Variants in MS4A4A observed in about 807,000 individuals in gnomAD.
MS4A4A encodes the protein membrane spanning 4-domains A4A, also known as membrane-spanning 4-domains subfamily A member 4A.
MS4A4A carries 26 observed loss-of-function variants against 28.0 expected under a neutral mutation model. That is an observed-to-expected ratio of 0.93 (90% CI 0.68 to 1.29). The LOEUF is 1.29. MS4A4A is among the 50% of genes most tolerant of loss of function. The pLI, the probability that MS4A4A is intolerant of heterozygous loss-of-function variation, is 0.00. For missense variants in MS4A4A, 290 were observed against 293.1 expected, an observed-to-expected ratio of 0.99 and a Z score of 0.08; for synonymous variants, 86 against 100.8, an observed-to-expected ratio of 0.85 and a Z score of 0.88.
rs540782252 is a variant in MS4A4A at position 60,284,386 on chromosome 11, C to T, written c.41+3670C>T. 6.6e-5 allele frequency among the ~76,000 whole-genome samples: 10 copies of T among 152,294 alleles called. No individual in the cohort carries two copies. The South Asian group carries it at 1.9e-3, about 28-fold the overall frequency. ...CATAAACTTCCTTTAACACTTCCTG[C>T]CACTCAAGGACATGCTAGACAGGGA... On this transcript the variant is annotated intron_variant, in intron 1 of 6. Coordinates refer to ENST00000337908, the MANE Select transcript of MS4A4A (RefSeq NM_148975.3).
rs957993689 is a variant in MS4A4A, at chr11:60,302,828, G to A, written c.546+111G>A. ...CCTAATTGATGAATGACTTTGGGAAGTTGGAGTGATTGAGAAATAGAATAA... is the reference window on the plus strand; with the variant it reads ...CCTAATTGATGAATGACTTTGGGAAATTGGAGTGATTGAGAAATAGAATAA... On this transcript the variant is annotated intron_variant, in intron 5 of 6. Transcript: ENST00000337908. The A allele has an allele frequency of 5.8e-6, 6 of 1,031,262 alleles. No homozygotes were observed. In the African/African-American group the frequency reaches 9.6e-5, roughly 17 times the overall value. 63.9% of individuals were successfully genotyped at this position (1,031,262 alleles called of 1,614,324 possible). A position where few individuals can be genotyped will look rare whatever the true frequency, so the allele number is the denominator to read the frequency against.
In MS4A4A at chr11:60,305,401, G is replaced by T. The variant is rs368726427; in HGVS notation, c.547-699G>T. On this transcript the variant is annotated intron_variant, in intron 5 of 6. Coordinates refer to ENST00000337908, the MANE Select transcript of MS4A4A (RefSeq NM_148975.3). ...GGCAAGGCCATACTCCTTTCTGAAG[G>T]CTTAGGCAACAAAAAGTTTTATTGC... Among the ~76,000 whole-genome samples, 12 of 152,340 alleles carry T rather than the reference G, an allele frequency of 7.9e-5. No homozygotes were observed. In the South Asian group the frequency reaches 2.5e-3, roughly 32 times the overall value.
chr11:60,282,465 G>A (rs2084762915), intron 1 of MS4A4A: 1 of 751,266 alleles, frequency 1.3e-6, no homozygotes, highest in East Asian at 6.9e-5. Flanking sequence ...GTCATAGGCT[G>A]ACTAATCCAC....
intron 1 of MS4A4A, among the ~76,000 whole-genome samples, chr11:60,281,840 A>G (rs1211451087): frequency 1.3e-5 from 2 of 152,180 alleles, no homozygotes; most frequent in East Asian, 1.9e-4. Context: ...AGCCTGATGC[A>G]TATAGGTGAT....
chr11:60,282,662 T>A (rs1221087277), intron 1 of MS4A4A: 4 of 1,284,818 alleles, frequency 3.1e-6, no homozygotes, highest in South Asian at 2.5e-5. Context: ...AATATAGGAA[T>A]GAAATTACGT....
At chr11:60,294,892 A>ACTACTACTTCTT (rs60374079) in intron 2 of MS4A4A, among the ~76,000 whole-genome samples, 3,035 of 130,652 alleles carry the variant, frequency 0.023, 59 homozygotes, top group African/African-American at 0.026. Flanking sequence ...TACAACTACT[A>ACTACTACTTCTT]CTTCTTCTTC....
chr11:60,286,432 T>C (rs1199567641), intron 1 of MS4A4A, among the ~76,000 whole-genome samples: 3 of 152,196 alleles, frequency 2.0e-5, no homozygotes, highest in East Asian at 1.9e-4. Context: ...TATTCAGAGA[T>C]TGCAGTAAAG....
chr11:60,292,567 T>C lies in MS4A4A; in HGVS notation c.201+183T>C, dbSNP rs146638496. ...GTATTCTGTCACAACATGCTTCCAG[T>C]TGAGTTATATTTAAAATATATTGAG... On this transcript the variant is annotated intron_variant, in intron 2 of 6. Coordinates refer to ENST00000337908, the MANE Select transcript of MS4A4A (RefSeq NM_148975.3). Among the ~76,000 whole-genome samples the C allele has an allele frequency of 2.6e-4, 40 of 152,344 alleles. No individual in the cohort carries two copies. The East Asian group carries it at 7.7e-3, about 29-fold the overall frequency.
At chr11:60,289,561 C>T (rs1050225478) in intron 1 of MS4A4A, among the ~76,000 whole-genome samples, 1 of 147,208 alleles carries the variant, frequency 6.8e-6, no homozygotes, top group African/African-American at 2.5e-5. Flanking sequence ...TTTGTTTATT[C>T]ATTGTTTTGG....
At chr11:60,296,018 G>T (rs1025826933) in intron 2 of MS4A4A, among the ~76,000 whole-genome samples, 1 of 152,052 alleles carries the variant, frequency 6.6e-6, no homozygotes, top group African/African-American at 2.4e-5. Flanking sequence ...TAGTTAAGGA[G>T]TATGTCCTCT....
At chr11:60,280,753 T>C in intron 1 of MS4A4A, 37 bp downstream of exon 1, 1 of 1,611,488 alleles carries the variant, frequency 6.2e-7, no homozygotes, top group Non-Finnish European at 8.5e-7. Context: ...GCTTTCGGGC[T>C]GATGGCTTGT....
At position 60,297,351 on chromosome 11, in the gene MS4A4A, T is replaced by C. The variant is rs188744605; in HGVS notation, c.330+26T>C. ...GTGAGTAGAGTATCTTTTGATATAA[T>C]TGAAGATAACATAAAGCAGTTGTCA... is the stretch of plus-strand genomic sequence containing the variant. On this transcript the variant is annotated intron_variant, in intron 3 of 6. Coordinates refer to ENST00000337908, the MANE Select transcript of MS4A4A (RefSeq NM_148975.3). The C allele has an allele frequency of 2.5e-6, 4 of 1,610,544 alleles. No homozygotes were observed. The Admixed American group carries it at 5.0e-5, about 20-fold the overall frequency.
At chr11:60,300,753 C>G (rs916114978) in intron 3 of MS4A4A, among the ~76,000 whole-genome samples, 1 of 151,660 alleles carries the variant, frequency 6.6e-6, no homozygotes, top group Non-Finnish European at 1.5e-5. Flanking sequence ...CTTTTAGTGC[C>G]CTCAAACAGT....
intron 2 of MS4A4A, among the ~76,000 whole-genome samples, chr11:60,295,927 A>G (rs1335792461): frequency 6.6e-6 from 1 of 152,130 alleles, no homozygotes; most frequent in Non-Finnish European, 1.5e-5. Flanking sequence ...TTTGTTCATC[A>G]GAGATGTTGG....
chr11:60,287,641 C>A (rs1447415060), intron 1 of MS4A4A, among the ~76,000 whole-genome samples: 1 of 152,152 alleles, frequency 6.6e-6, no homozygotes, highest in African/African-American at 2.4e-5. Flanking sequence ...TTACCCATTC[C>A]AGCATTGACT....
At chr11:60,298,056 T>G (rs999332202) in intron 3 of MS4A4A, among the ~76,000 whole-genome samples, 9 of 150,508 alleles carry the variant, frequency 6.0e-5, no homozygotes, top group Non-Finnish European at 1.0e-4. Flanking sequence ...ATTAAATTAA[T>G]TATAACTATT....
At chr11:60,286,923 G>C (rs2084808033) in intron 1 of MS4A4A, among the ~76,000 whole-genome samples, 1 of 152,096 alleles carries the variant, frequency 6.6e-6, no homozygotes, top group African/African-American at 2.4e-5. Context: ...TTATTTTGGG[G>C]GGGTTTGTTT....
At chr11:60,299,448 C>CTTT (rs5792179) in intron 3 of MS4A4A, among the ~76,000 whole-genome samples, 26 of 113,212 alleles carry the variant, frequency 2.3e-4, no homozygotes, top group African/African-American at 4.0e-4. Context: ...AATTACAATT[C>CTTT]TTTTTTTTTT....
chr11:60,286,901 A>G (rs2084807864), intron 1 of MS4A4A, among the ~76,000 whole-genome samples: 2 of 152,306 alleles, frequency 1.3e-5, no homozygotes, highest in African/African-American at 2.4e-5. Context: ...AGGATTTACT[A>G]GTGACATTTT....
Sources: gnomAD v4.1 joint callset for allele counts (sites outside exome capture counted in the v4.1 genomes callset) on GRCh38, gnomAD v4.1.1 for gene constraint, MANE v1.5 for transcripts, NCBI Gene and HGNC (gene_info 2026-07-23, HGNC 2026-07-21) for gene names.